The following ELF1 variants were observed in gnomAD, a reference collection of about 807,000 sequenced individuals.
ELF1 encodes E74 like ETS transcription factor 1.
ELF1 carries 24 observed loss-of-function variants against 59.9 expected under a neutral mutation model. That is an observed-to-expected ratio of 0.40 (90% CI 0.29 to 0.56). The LOEUF is 0.56. Ranked by LOEUF, ELF1 falls within the 20% of genes least tolerant of loss-of-function variation. The probability of loss-of-function intolerance (pLI) is 0.44; values close to 1 mark genes in which losing one functional copy is unlikely to be tolerated. For missense variants in ELF1, 627 were observed against 742.2 expected, an observed-to-expected ratio of 0.84 and a Z score of 1.80; for synonymous variants, 248 against 266.2, an observed-to-expected ratio of 0.93 and a Z score of 0.67.
At chr13:41,014,995 C>T (rs1272268506) in intron 1 of ELF1, among the ~76,000 whole-genome samples, 1 of 151,902 alleles carries the variant, frequency 6.6e-6, no homozygotes, top group African/African-American at 2.4e-5. Flanking sequence ...TCACCCCTGC[C>T]CTCCCCCCAA....
At chr13:41,035,844 A>AAC (rs1566195938) in intron 1 of ELF1, among the ~76,000 whole-genome samples, 158 of 148,730 alleles carry the variant, frequency 1.1e-3, no homozygotes, top group Middle Eastern at 7.0e-3. Context: ...GTTAAAAAAA[A>AAC]AACAACAACA....
intron 2 of ELF1, among the ~76,000 whole-genome samples, chr13:40,972,557 C>T (rs1480406407): frequency 6.6e-6 from 1 of 152,140 alleles, no homozygotes; most frequent in African/African-American, 2.4e-5. Context: ...AGAGATTATC[C>T]AGTGTAAGAC....
intron 1 of ELF1, among the ~76,000 whole-genome samples, chr13:41,014,020 T>C (rs1875225037): frequency 6.6e-6 from 1 of 152,132 alleles, no homozygotes; most frequent in African/African-American, 2.4e-5. Context: ...ATCTATCACG[T>C]AGATACTGCA....
chr13:41,036,211 C>T (rs61962750), intron 1 of ELF1, among the ~76,000 whole-genome samples: 38,546 of 151,558 alleles, frequency 0.25, 5,196 homozygotes, highest in South Asian at 0.4. Context: ...CCACCACAGC[C>T]GGCCAAAAAA....
intron 1 of ELF1, among the ~76,000 whole-genome samples, chr13:40,987,584 C>CA (rs374604821): frequency 0.48 from 32,482 of 67,660 alleles, 5,237 homozygotes; most frequent in Middle Eastern, 0.54. Context: ...GACTCTGTCT[C>CA]AAAAAAAAAA....
At chr13:41,054,328 C>T (rs921836813) in intron 1 of ELF1, among the ~76,000 whole-genome samples, 1 of 152,152 alleles carries the variant, frequency 6.6e-6, no homozygotes, top group Non-Finnish European at 1.5e-5. Flanking sequence ...GTGGAAGAAC[C>T]AAAGCCAGTT....
chr13:40,949,760 C>A, intron 5 of ELF1, 46 bp downstream of exon 5: 1 of 1,592,366 alleles, frequency 6.3e-7, no homozygotes. Context: ...ATCTAGATTT[C>A]ACACCAAGAC....
chr13:41,010,279 G>GA (rs199811451), intron 1 of ELF1, among the ~76,000 whole-genome samples: 250 of 128,878 alleles, frequency 1.9e-3, no homozygotes, highest in East Asian at 6.6e-3. Context: ...AGAAAGAAAG[G>GA]AAAAAAAAAA....
intron 1 of ELF1, among the ~76,000 whole-genome samples, chr13:41,030,668 T>C (rs1396708171): frequency 1.3e-5 from 2 of 150,950 alleles, no homozygotes; most frequent in Non-Finnish European, 3.0e-5. Flanking sequence ...GGAAGACTGC[T>C]TGAGCCCAGG....
chr13:41,010,170 C>T lies in ELF1; in HGVS notation c.-229+9058G>A, dbSNP rs1304685475. ...CCTGTAATCCCAATATTTTGGGAGG[C>T]CAAGATAAGAGGATCGATTGAGCCC... On this transcript the variant is annotated intron_variant, in intron 1 of 8. Coordinates refer to ENST00000239882, the MANE Select transcript of ELF1 (RefSeq NM_172373.4). Among the ~76,000 whole-genome samples the T allele has an allele frequency of 2.7e-5, 4 of 148,216 alleles. No homozygotes were observed. In the East Asian group the frequency reaches 5.9e-4, roughly 22 times the overall value.
intron 2 of ELF1, among the ~76,000 whole-genome samples, chr13:40,976,010 A>G (rs1211717306): frequency 6.6e-6 from 1 of 152,258 alleles, no homozygotes; most frequent in Non-Finnish European, 1.5e-5. Context: ...GAGACTGATA[A>G]TAAGCAACAT....
upstream of ELF1, among the ~76,000 whole-genome samples, chr13:41,022,010 TAA>T (rs746805977): frequency 2.0e-4 from 31 of 152,218 alleles, no homozygotes; most frequent in Admixed American, 3.3e-4. Context: ...GCAGTTTCTA[TAA>T]ACATACACTT....
chr13:40,998,862 C>T (rs773165437), intron 1 of ELF1, among the ~76,000 whole-genome samples: 38 of 152,100 alleles, frequency 2.5e-4, no homozygotes, highest in South Asian at 1.0e-3. Flanking sequence ...GCCTGGCCAA[C>T]GTGATGAAAT....
intron 4 of ELF1, among the ~76,000 whole-genome samples, chr13:40,950,327 AAAACAAAAAAC>A (rs1222436058): frequency 2.7e-5 from 4 of 150,652 alleles, no homozygotes; most frequent in Non-Finnish European, 5.9e-5. Context: ...GTTCATAGGA[AAAACAAAAAAC>A]AAACAAAAAA....
chr13:41,042,451 C>G (rs1198054192), intron 1 of ELF1, among the ~76,000 whole-genome samples: 1 of 152,094 alleles, frequency 6.6e-6, no homozygotes. Flanking sequence ...AATGCTATCC[C>G]TCCCCACTCC....
At chr13:41,019,081 T>C (rs1875581210) in intron 1 of ELF1, 147 bp downstream of exon 1, 2 of 614,074 alleles carry the variant, frequency 3.3e-6, no homozygotes, top group African/African-American at 4.0e-5. Flanking sequence ...AGCAATTAAG[T>C]TCAATCAGGC....
At chr13:41,028,345 T>A (rs1191484179) in intron 1 of ELF1, among the ~76,000 whole-genome samples, 1 of 152,192 alleles carries the variant, frequency 6.6e-6, no homozygotes, top group Non-Finnish European at 1.5e-5. Flanking sequence ...CTCTTTGTAT[T>A]ATCATGCCCT....
chr13:40,940,100 G>A (rs553390542), intron 8 of ELF1, among the ~76,000 whole-genome samples: 1 of 152,114 alleles, frequency 6.6e-6, no homozygotes, highest in Non-Finnish European at 1.5e-5. Context: ...ATATAAAAAT[G>A]TAAGACTGAA....
intron 1 of ELF1, among the ~76,000 whole-genome samples, chr13:41,029,536 C>G (rs1876082356): frequency 6.6e-6 from 1 of 152,122 alleles, no homozygotes; most frequent in Non-Finnish European, 1.5e-5. Context: ...CATGCACCAC[C>G]ATGCCTGGCT....
Sources: allele counts gnomAD v4.1 joint callset (sites outside exome capture counted in the v4.1 genomes callset), GRCh38; gene constraint gnomAD v4.1.1; transcripts MANE v1.5; gene names NCBI Gene and HGNC (gene_info 2026-07-23, HGNC 2026-07-21).